ANKRD31: variants seen among roughly 807,000 people sequenced by gnomAD.
ANKRD31 encodes ankyrin repeat domain-containing protein 31.
Under a neutral mutation model 186.0 loss-of-function variants are expected in ANKRD31, and 147 were observed. The observed-to-expected ratio is 0.79, with a 90% CI of 0.69 to 0.91. ANKRD31 has a LOEUF of 0.91. ANKRD31 is among the 40% of genes least tolerant of loss of function. The pLI is 0.00. For missense variants in ANKRD31, 1,986 were observed against 2,148.8 expected, an observed-to-expected ratio of 0.92 and a Z score of 1.50; for synonymous variants, 673 against 736.4, an observed-to-expected ratio of 0.91 and a Z score of 1.39.
At chr5:75,105,356 T>C (rs1270630012) in intron 21 of ANKRD31, 138 bp from the exon 22 acceptor site, 3 of 947,862 alleles carry the variant, frequency 3.2e-6, no homozygotes, top group Non-Finnish European at 4.2e-6. Context: ...TGCAATTTAC[T>C]GCCTTTGATT....
intron 25 of ANKRD31, among the ~76,000 whole-genome samples, chr5:75,079,036 C>A (rs925761047): frequency 2.6e-5 from 4 of 152,166 alleles, no homozygotes; most frequent in African/African-American, 9.7e-5. Context: ...TGTTTCAAGT[C>A]TTTAATTAGA....
chr5:75,152,328 GAGGATAGGTTTCCACCGCC>G lies in ANKRD31; in HGVS notation c.1852+1854_1852+1872del, dbSNP rs1050781853. 3.9e-5 allele frequency among the ~76,000 whole-genome samples: 6 copies of G among 152,188 alleles called. No homozygotes were observed. In the East Asian group the frequency reaches 1.2e-3, roughly 29 times the overall value. ...CCCAGGAAGACACAGAGCTTTAGCA[GAGGATAGGTTTCCACCGCC>G]AGCCTAAGTTTTGTTCTATTAAGGG... is the stretch of plus-strand genomic sequence containing the variant. On this transcript the variant is annotated intron_variant, in intron 12 of 25. Coordinates refer to ENST00000506364, the MANE Select transcript of ANKRD31 (RefSeq NM_001372053.1).
At chr5:75,151,215 T>C (rs1751818509) in intron 12 of ANKRD31, among the ~76,000 whole-genome samples, 1 of 152,042 alleles carries the variant, frequency 6.6e-6, no homozygotes, top group East Asian at 1.9e-4. Context: ...GGTTGTTAGA[T>C]TGCTCAACTG....
chr5:75,108,425 T>C (rs1179295561), intron 20 of ANKRD31, among the ~76,000 whole-genome samples: 1 of 151,990 alleles, frequency 6.6e-6, no homozygotes, highest in Non-Finnish European at 1.5e-5. Context: ...TACCCATAAA[T>C]GTGGGTTATG....
chr5:75,156,973 C>A (rs767641397), intron 11 of ANKRD31, among the ~76,000 whole-genome samples: 1 of 152,020 alleles, frequency 6.6e-6, no homozygotes, highest in African/African-American at 2.4e-5. Context: ...GATTTGGGTA[C>A]CAGAAAGTGG....
chr5:75,168,238 T>C (rs1023583525), intron 11 of ANKRD31, among the ~76,000 whole-genome samples: 2 of 152,190 alleles, frequency 1.3e-5, no homozygotes, highest in Non-Finnish European at 2.9e-5. Flanking sequence ...CTTCTGTAAA[T>C]AGGCAGAACA....
intron 23 of ANKRD31, among the ~76,000 whole-genome samples, chr5:75,085,170 C>A (rs1370355099): frequency 1.3e-5 from 2 of 152,266 alleles, no homozygotes; most frequent in South Asian, 2.1e-4. Flanking sequence ...CCTCTAGGTT[C>A]CCAAAGCTTC....
chr5:75,083,976 T>G (rs1157182914), intron 24 of ANKRD31, among the ~76,000 whole-genome samples: 1 of 152,184 alleles, frequency 6.6e-6, no homozygotes, highest in Admixed American at 6.5e-5. Flanking sequence ...TACAGACAGA[T>G]AGCAGACTGG....
chr5:75,144,068 G>A lies in ANKRD31; in HGVS notation c.3528C>T (p.Ser1176=). Residue 1176 remains serine (S), a synonymous_variant, in exon 15 of 26, where the codon AGC becomes AGT. Coordinates refer to ENST00000506364, the MANE Select transcript of ANKRD31 (RefSeq NM_001372053.1). ...TESEIHMPTN[S]QEHKTVQNFR... ...AATTCTGAACTGTTTTGTGTTCTTG[G>A]CTATTAGTAGGCATGTGAATTTCTG... 2.5e-6 allele frequency: 1 copy of A among 397,372 alleles called. No homozygotes were observed. Among genetic ancestry groups the A allele is most frequent in the Non-Finnish European group, 4.4e-6 (1 of 225,326 alleles). 24.6% of individuals were successfully genotyped at this position (397,372 alleles called of 1,614,324 possible).
At chr5:75,075,568 G>A (rs1169972793) in intron 25 of ANKRD31, among the ~76,000 whole-genome samples, 2 of 151,980 alleles carry the variant, frequency 1.3e-5, no homozygotes, top group African/African-American at 2.4e-5. Context: ...AACTTAATAG[G>A]TTGTATAAAA....
intron 3 of ANKRD31, among the ~76,000 whole-genome samples, chr5:75,212,401 C>T (rs1040747242): frequency 2.0e-5 from 3 of 151,990 alleles, no homozygotes; most frequent in African/African-American, 7.3e-5. Flanking sequence ...TAGCTTGAGC[C>T]CAGGAGTTGG....
At chr5:75,096,925 C>T (rs911855402) in intron 22 of ANKRD31, among the ~76,000 whole-genome samples, 1 of 150,974 alleles carries the variant, frequency 6.6e-6, no homozygotes, top group East Asian at 2.0e-4. Context: ...GTTTTCTGTC[C>T]TTGCGATAAT....
intron 24 of ANKRD31, among the ~76,000 whole-genome samples, 197 bp from the exon 25 acceptor site, chr5:75,080,836 T>C (rs1217482199): frequency 6.6e-6 from 1 of 152,190 alleles, no homozygotes. Flanking sequence ...AAAAACAGTA[T>C]TCTAAAAAGT....
intron 17 of ANKRD31, among the ~76,000 whole-genome samples, chr5:75,127,232 C>A (rs1749329771): frequency 6.6e-6 from 1 of 151,018 alleles, no homozygotes; most frequent in Non-Finnish European, 1.5e-5. Flanking sequence ...GGGTCTATTT[C>A]TCAATGCTTG....
chr5:75,193,346 G>A lies in ANKRD31; in HGVS notation c.1263C>T (p.Asp421=). 6.5e-7 allele frequency: 1 copy of A among 1,536,710 alleles called. No homozygotes were observed. Reference sequence around the variant, plus strand: ...GAGCTGAAGAGTTATTATTTGTTAGGTCCTCACAGCCAAGGATTTTTGGTA... The same window carrying A: ...GAGCTGAAGAGTTATTATTTGTTAGATCCTCACAGCCAAGGATTTTTGGTA... The part of the protein sequence containing the change: ...KILPKILGCE[D]LTNNNSSAQN... The change falls in exon 8 of 26, where the codon GAC becomes GAT. Residue 421 remains aspartate, a synonymous_variant. Transcript: ENST00000506364.
intron 2 of ANKRD31, among the ~76,000 whole-genome samples, chr5:75,223,589 A>G (rs1377561988): frequency 6.6e-6 from 1 of 152,188 alleles, no homozygotes; most frequent in Admixed American, 6.5e-5. Flanking sequence ...TGAAGCAACA[A>G]TGGAAAGGAA....
intron 17 of ANKRD31, among the ~76,000 whole-genome samples, chr5:75,129,912 A>C (rs1346852679): frequency 2.6e-5 from 4 of 152,186 alleles, no homozygotes; most frequent in Non-Finnish European, 5.9e-5. Context: ...GGTACCTGGA[A>C]AATCGGGACA....
At chr5:75,112,453 C>G (rs1747863964) in intron 20 of ANKRD31, 60 bp downstream of exon 20, 1 of 1,163,454 alleles carries the variant, frequency 8.6e-7, no homozygotes, top group Non-Finnish European at 1.2e-6. Context: ...AAATATGTAC[C>G]TTAAGAAGAT....
intron 25 of ANKRD31, among the ~76,000 whole-genome samples, chr5:75,077,498 T>TG (rs201493295): frequency 2.2e-4 from 34 of 151,954 alleles, no homozygotes; most frequent in African/African-American, 3.1e-4. Flanking sequence ...CCTCACTCTT[T>TG]GGGGGGGGAA....
Sources: allele counts gnomAD v4.1 joint callset (sites outside exome capture counted in the v4.1 genomes callset), GRCh38; gene constraint gnomAD v4.1.1; transcripts MANE v1.5; gene names NCBI Gene and HGNC (gene_info 2026-07-23, HGNC 2026-07-21).